The following ELMOD3 variants were observed in gnomAD, a reference collection of about 807,000 sequenced individuals.
The protein encoded by ELMOD3 is ELMO domain-containing protein 3.
ELMOD3 carries 36 observed loss-of-function variants against 47.4 expected under a neutral mutation model. That is an observed-to-expected ratio of 0.76 (90% CI 0.58 to 1.00). The LOEUF (loss-of-function observed/expected upper bound fraction) is 1.00, where lower values mean the gene tolerates loss of function less well. ELMOD3 is among the 50% of genes least tolerant of loss of function. The probability of loss-of-function intolerance (pLI) is 0.00; values close to 1 mark genes in which losing one functional copy is unlikely to be tolerated. For missense variants in ELMOD3, 404 were observed against 463.8 expected, an observed-to-expected ratio of 0.87 and a Z score of 1.18; for synonymous variants, 149 against 183.5, an observed-to-expected ratio of 0.81 and a Z score of 1.52.
At chr2:85,384,467 T>A (rs969622705) in intron 11 of ELMOD3, among the ~76,000 whole-genome samples, 1 of 152,208 alleles carries the variant, frequency 6.6e-6, no homozygotes, top group African/African-American at 2.4e-5. Flanking sequence ...ATGGGTTATG[T>A]GAGCCACAGA....
chr2:85,370,012 G>C (rs1684678987), intron 8 of ELMOD3, among the ~76,000 whole-genome samples, 182 bp downstream of exon 8: 1 of 152,166 alleles, frequency 6.6e-6, no homozygotes, highest in Admixed American at 6.6e-5. Flanking sequence ...GTGGGACTAT[G>C]CCCTTACAGC....
chr2:85,360,414 C>T (rs1176842236), intron 4 of ELMOD3, among the ~76,000 whole-genome samples: 3 of 150,240 alleles, frequency 2.0e-5, no homozygotes, highest in Admixed American at 6.6e-5. Context: ...AGTGCGGTGG[C>T]GTAATCTCAG....
chr2:85,370,389 C>T (rs2104580552), intron 8 of ELMOD3, among the ~76,000 whole-genome samples: 1 of 150,746 alleles, frequency 6.6e-6, no homozygotes, highest in East Asian at 2.0e-4. Flanking sequence ...TATGATCACA[C>T]CTGGGCAACA....
intron 11 of ELMOD3, among the ~76,000 whole-genome samples, chr2:85,385,126 C>T (rs1685838026): frequency 2.0e-5 from 3 of 152,198 alleles, no homozygotes; most frequent in Middle Eastern, 6.8e-3. Flanking sequence ...GAATGTTAGC[C>T]AAGCTGATAT....
At chr2:85,375,385 T>C (rs2104630523) in intron 10 of ELMOD3, among the ~76,000 whole-genome samples, 2 of 152,350 alleles carry the variant, frequency 1.3e-5, no homozygotes, top group Middle Eastern at 3.4e-3. Flanking sequence ...GTTTTTGTTT[T>C]TCTGTCCCTC....
chr2:85,381,790 C>T (rs1685556904), intron 11 of ELMOD3, among the ~76,000 whole-genome samples: 1 of 152,144 alleles, frequency 6.6e-6, no homozygotes, highest in Non-Finnish European at 1.5e-5. Context: ...CATCTTCTAC[C>T]AGGCCTGAAG....
chr2:85,384,165 G>A (rs868820423), intron 11 of ELMOD3, among the ~76,000 whole-genome samples: 1 of 152,234 alleles, frequency 6.6e-6, no homozygotes, highest in Non-Finnish European at 1.5e-5. Context: ...TGAGCAGAGG[G>A]GTAACTTTGA....
chr2:85,373,453 G>A (rs185983704), intron 10 of ELMOD3, among the ~76,000 whole-genome samples: 4 of 152,076 alleles, frequency 2.6e-5, no homozygotes, highest in African/African-American at 9.6e-5. Context: ...TTTTTTTGAG[G>A]AGGGGTTCTC....
At chr2:85,383,218 T>C (rs943896714) in intron 11 of ELMOD3, among the ~76,000 whole-genome samples, 3 of 151,750 alleles carry the variant, frequency 2.0e-5, no homozygotes, top group Non-Finnish European at 4.4e-5. Context: ...AACCTCCACC[T>C]CCCAGGTTCA....
chr2:85,366,020 G>A (rs904049658), intron 6 of ELMOD3, among the ~76,000 whole-genome samples: 18 of 151,870 alleles, frequency 1.2e-4, no homozygotes, highest in Non-Finnish European at 2.5e-4. Context: ...GTGCAATGGC[G>A]CAATCTTGGT....
intron 8 of ELMOD3, among the ~76,000 whole-genome samples, chr2:85,370,286 G>A (rs1446455742): frequency 1.3e-5 from 2 of 152,034 alleles, no homozygotes; most frequent in Non-Finnish European, 2.9e-5. Context: ...GGTGGGTGCT[G>A]GGCATAGTGG....
At chr2:85,384,108 C>T (rs952719037) in intron 11 of ELMOD3, among the ~76,000 whole-genome samples, 1 of 152,246 alleles carries the variant, frequency 6.6e-6, no homozygotes, top group African/African-American at 2.4e-5. Flanking sequence ...CTTTGAGCAT[C>T]TGATTAGCCT....
intron 3 of ELMOD3, 83 bp downstream of exon 3, chr2:85,355,681 C>T (rs1339645516): frequency 6.6e-6 from 1 of 152,216 alleles, no homozygotes; most frequent in Non-Finnish European, 1.5e-5. Flanking sequence ...ATTGCTATTA[C>T]CATACCCGCC....
At chr2:85,369,563 G>A (rs1684638520) in intron 7 of ELMOD3, among the ~76,000 whole-genome samples, 176 bp from the exon 8 acceptor site, 1 of 152,194 alleles carries the variant, frequency 6.6e-6, no homozygotes, top group African/African-American at 2.4e-5. Flanking sequence ...CAAAAAGAGA[G>A]TCCTCTTCGC....
chr2:85,364,179 C>A (rs931550291), intron 6 of ELMOD3, among the ~76,000 whole-genome samples: 1 of 148,478 alleles, frequency 6.7e-6, no homozygotes, highest in African/African-American at 2.5e-5. Flanking sequence ...CTTGCTTTGT[C>A]CCCCAGGCTG....
At chr2:85,381,081 C>G (rs1685506941) in intron 11 of ELMOD3, among the ~76,000 whole-genome samples, 1 of 152,100 alleles carries the variant, frequency 6.6e-6, no homozygotes, top group South Asian at 2.1e-4. Context: ...AAATACAGCC[C>G]AAAGAAAATC....
intron 7 of ELMOD3, among the ~76,000 whole-genome samples, chr2:85,369,219 A>G (rs1270626311): frequency 6.6e-6 from 1 of 152,254 alleles, no homozygotes; most frequent in Non-Finnish European, 1.5e-5. Context: ...ATGAAGAGAT[A>G]GAACTAGGAC....
At chr2:85,369,684 G>T in intron 7 of ELMOD3, 55 bp from the exon 8 acceptor site, 1 of 1,588,114 alleles carries the variant, frequency 6.3e-7, no homozygotes, top group Non-Finnish European at 8.6e-7. Context: ...CTCAGTAAAT[G>T]TTTGTTGACA....
rs549706375 is a variant in ELMOD3, at chr2:85,386,615, C to T, written c.739-3136C>T. ...GGTCAGGCTAGTCTTGAACTCCTGACCTCAAGTGATGTGCCCACCTCGGCC... is the reference window on the plus strand; with the variant it reads ...GGTCAGGCTAGTCTTGAACTCCTGATCTCAAGTGATGTGCCCACCTCGGCC... On this transcript the variant is annotated intron_variant, in intron 11 of 13. Coordinates refer to ENST00000409013, the MANE Select transcript of ELMOD3 (RefSeq NM_001135022.2). Among the ~76,000 whole-genome samples the T allele has an allele frequency of 2.6e-3, 401 of 152,214 alleles. 1 individual carries two copies. The highest frequency in any genetic ancestry group is 5.1e-3 in the Non-Finnish European group (349 of 68,012).
Sources: gnomAD v4.1 joint callset for allele counts (sites outside exome capture counted in the v4.1 genomes callset) on GRCh38, gnomAD v4.1.1 for gene constraint, MANE v1.5 for transcripts, NCBI Gene and HGNC (gene_info 2026-07-23, HGNC 2026-07-21) for gene names.